The following CFAP92 variants were observed in gnomAD, a reference collection of about 807,000 sequenced individuals.
CFAP92 encodes the protein uncharacterized protein CFAP92.
CFAP92 carries 86 observed loss-of-function variants against 106.3 expected under a neutral mutation model. The ratio of observed to expected loss-of-function variants is 0.81; its 90% CI spans 0.68 to 0.97. CFAP92 has a LOEUF of 0.97. Ranked by LOEUF, CFAP92 falls within the 50% of genes least tolerant of loss-of-function variation. The probability of loss-of-function intolerance (pLI) is 0.00; values close to 1 mark genes in which losing one functional copy is unlikely to be tolerated. For synonymous variants in CFAP92, 477 were observed against 506.4 expected, an observed-to-expected ratio of 0.94 and a Z score of 0.78; for missense variants, 1,204 against 1,283.8, an observed-to-expected ratio of 0.94 and a Z score of 0.95.
At chr3:129,015,975 T>TG in the CFAP92 span, among the ~76,000 whole-genome samples, 15 of 152,348 alleles carry the variant, frequency 9.8e-5, no homozygotes, top group African/African-American at 3.1e-4. Flanking sequence ...GGCTGGGTTC[T>TG]GAGGGACCTG....
chr3:128,987,140 G>A (rs761365830), intron 4 of CFAP92, among the ~76,000 whole-genome samples: 1 of 152,034 alleles, frequency 6.6e-6, no homozygotes, highest in African/African-American at 2.4e-5. Context: ...CAGCCTGGGC[G>A]ACAGAGCGAG....
At chr3:129,022,842 G>T in the CFAP92 span, among the ~76,000 whole-genome samples, 1 of 152,252 alleles carries the variant, frequency 6.6e-6, no homozygotes, top group Non-Finnish European at 1.5e-5. Flanking sequence ...GCAGGCAGGG[G>T]TGAATGTGGG....
chr3:129,002,635 C>T (rs1409434816), exon 1 of CFAP92: 1 of 423,674 alleles, frequency 2.4e-6, no homozygotes, highest in Non-Finnish European at 4.1e-6. Context: ...GGAATTGCAC[C>T]TGTCTGGGTA....
chr3:128,948,675 A>G (rs1940500017), intron 9 of CFAP92, among the ~76,000 whole-genome samples: 1 of 151,100 alleles, frequency 6.6e-6, no homozygotes, highest in South Asian at 2.1e-4. Flanking sequence ...GATTACAGGC[A>G]CGCGCCACCA....
upstream of CFAP92, chr3:128,994,214 C>A (rs1004771796): frequency 6.5e-6 from 6 of 920,096 alleles, no homozygotes; most frequent in Admixed American, 1.2e-4. Context: ...AGCCACTGCG[C>A]GCAGTTTGTC....
intron 6 of CFAP92, among the ~76,000 whole-genome samples, chr3:128,976,745 C>T (rs1451710741): frequency 6.6e-6 from 1 of 152,156 alleles, no homozygotes; most frequent in Non-Finnish European, 1.5e-5. Context: ...AGTCATACCA[C>T]CTCACAAAGT....
At position 128,985,914 on chromosome 3, in the gene CFAP92, G is replaced by GCTA. The variant is rs563521889; in HGVS notation, c.667+1699_667+1701dup. Among the ~76,000 whole-genome samples the GCTA allele has an allele frequency of 7.9e-5, 12 of 152,280 alleles. No homozygotes were observed. The East Asian group carries it at 2.1e-3, about 27-fold the overall frequency. On this transcript the variant is annotated intron_variant, in intron 4 of 15. Transcript: ENST00000645291. ...GAAATCTGATTGTCACAACTGGCAG[G>GCTA]CTACTACTGGCAGCTAGTGGGTAGA...
At chr3:128,973,382 C>T (rs1464423312) in intron 7 of CFAP92, among the ~76,000 whole-genome samples, 1 of 151,986 alleles carries the variant, frequency 6.6e-6, no homozygotes. Flanking sequence ...TGAGGCCGGG[C>T]CCGGTGGCTC....
intron 12 of CFAP92, among the ~76,000 whole-genome samples, chr3:128,922,544 T>C (rs552647811): frequency 6.6e-6 from 1 of 152,302 alleles, no homozygotes; most frequent in African/African-American, 2.4e-5. Flanking sequence ...GACCTATTTG[T>C]ACAGTAACTA....
chr3:128,991,933 T>TG lies in CFAP92; in HGVS notation c.262+1109dup, dbSNP rs1944243542. 5.2e-6 allele frequency: 5 copies of TG among 968,298 alleles called. No individual in the cohort carries two copies. In the South Asian group the frequency reaches 2.3e-4, roughly 45 times the overall value. 60.0% of individuals were successfully genotyped at this position (968,298 alleles called of 1,614,324 possible). On this transcript the variant is annotated intron_variant, in intron 2 of 15. Coordinates refer to ENST00000645291, the MANE Select transcript of CFAP92 (RefSeq NM_001394090.1). ...CATATTGGGCTGGAACCATGTGACT[T>TG]GGTTTGGCCAATAAAATGCTAGCAG...
chr3:128,915,185 C>T lies in CFAP92; in HGVS notation c.3214G>A (p.Asp1072Asn). The T allele has an allele frequency of 6.5e-7, 1 of 1,536,162 alleles. No individual in the cohort carries two copies. Among genetic ancestry groups the T allele is most frequent in the Non-Finnish European group, 8.7e-7 (1 of 1,146,930 alleles). The change falls in exon 15 of 16, where the codon GAT becomes AAT. Residue 1072 changes from aspartate (D) to asparagine (N), a missense_variant. Asp to Asn is a conservative substitution (Grantham distance 23). Coordinates refer to ENST00000645291, the MANE Select transcript of CFAP92 (RefSeq NM_001394090.1). ...AAAGGTGGTGGTTTCTTGTACAGAT[C>T]AAAGTCCACGTGGTGCCTGTCCCAG... ...WSWDRHHVDFDLYKKPPPFLE... is the reference protein window; with the variant it reads ...WSWDRHHVDFNLYKKPPPFLE...
chr3:128,917,837 G>C (rs1301553482), intron 12 of CFAP92, among the ~76,000 whole-genome samples: 5 of 152,144 alleles, frequency 3.3e-5, no homozygotes, highest in Admixed American at 3.3e-4. Flanking sequence ...TAGAAACTGA[G>C]TATAGAGGAT....
chr3:129,006,782 A>T (rs1364667888), upstream of CFAP92, among the ~76,000 whole-genome samples: 2 of 152,218 alleles, frequency 1.3e-5, no homozygotes, highest in Non-Finnish European at 2.9e-5. Context: ...CTGCCCCTCT[A>T]GAAACATGCC....
At chr3:128,912,547 C>G (rs756247621) in intron 15 of CFAP92, 3 of 1,614,132 alleles carry the variant, frequency 1.9e-6, no homozygotes, top group Non-Finnish European at 2.5e-6. Flanking sequence ...AGAAAGTGTC[C>G]CAGCAGATCC....
intron 4 of CFAP92, among the ~76,000 whole-genome samples, chr3:128,981,455 C>T (rs559410923): frequency 6.6e-6 from 1 of 152,242 alleles, no homozygotes; most frequent in South Asian, 2.1e-4. Flanking sequence ...CTCAGCCTCC[C>T]AAGTAGCTGG....
At chr3:128,926,366 T>C (rs1378831411) in intron 12 of CFAP92, among the ~76,000 whole-genome samples, 1 of 151,950 alleles carries the variant, frequency 6.6e-6, no homozygotes, top group Non-Finnish European at 1.5e-5. Context: ...ATACAAAAAT[T>C]AGCCAGGCAT....
chr3:128,945,135 GGT>G lies in CFAP92; in HGVS notation c.2192_2193del (p.His731ProfsTer77). On this transcript the variant is annotated frameshift_variant, in exon 10 of 16. Transcript: ENST00000645291. LOFTEE classifies it high-confidence loss of function. The stretch of plus-strand genomic sequence containing the variant: ...TCGGCCAGGCCTTCCAGGATGAAAA[GGT>G]GTGTCTTCCCGTCCAGCAGGTGGAA... Reference protein sequence around the residue: ...TGFHLLDGKTHLFILEGLADQ... With the variant: ...TGFHLLDGKTXLFILEGLADQ... 2 of 1,535,986 alleles carry G rather than the reference GGT, an allele frequency of 1.3e-6. No homozygotes were observed. Among genetic ancestry groups the G allele is most frequent in the Non-Finnish European group, 1.7e-6 (2 of 1,146,778 alleles).
chr3:129,003,856 G>A (rs562843573), upstream of CFAP92: 1 of 1,450,658 alleles, frequency 6.9e-7, no homozygotes. Context: ...CGGAGGCTGC[G>A]GTGCGGGAGC....
chr3:128,994,222 G>C, upstream of CFAP92: 4 of 846,352 alleles, frequency 4.7e-6, no homozygotes, highest in Non-Finnish European at 5.7e-6. Flanking sequence ...CGCGCAGTTT[G>C]TCAAATGGCT....
Sources: allele counts gnomAD v4.1 joint callset (sites outside exome capture counted in the v4.1 genomes callset), GRCh38; gene constraint gnomAD v4.1.1; transcripts MANE v1.5; gene names NCBI Gene and HGNC (gene_info 2026-07-23, HGNC 2026-07-21).